The following SYNDIG1 variants were observed in gnomAD, a reference collection of about 807,000 sequenced individuals.
SYNDIG1 encodes synapse differentiation inducing 1.
In SYNDIG1, 9 loss-of-function variants were observed where a neutral mutation model predicts 19.4. That is an observed-to-expected ratio of 0.46 (90% CI 0.28 to 0.81). SYNDIG1 has a LOEUF of 0.81. SYNDIG1 is among the 30% of genes least tolerant of loss of function. The pLI is 0.12. For missense variants in SYNDIG1, 311 were observed against 343.3 expected (o/e 0.91, Z 0.74); for synonymous variants, 141 against 145.9 (o/e 0.97, Z 0.24).
chr20:24,506,332 A>G (rs1310234995), intron 1 of SYNDIG1, among the ~76,000 whole-genome samples: 1 of 152,228 alleles, frequency 6.6e-6, no homozygotes, highest in Non-Finnish European at 1.5e-5. Flanking sequence ...GCACACCCAC[A>G]TACCCAAAAA....
rs117708157 is a variant in SYNDIG1, at chr20:24,582,229, C to T, written c.481-2627C>T. ...CCTGCACTTCCTCCCCACTTTATAT[C>T]CTCCCCACTGCACATCCTTCCCCCC... On this transcript the variant is annotated intron_variant, in intron 2 of 3. Transcript: ENST00000376862. Among the ~76,000 whole-genome samples the T allele has an allele frequency of 8.1e-3, 1,049 of 129,056 alleles. 3 individuals are homozygous for T. The highest frequency in any genetic ancestry group is 9.7e-3 in the Admixed American group (121 of 12,488). The allele number at this position is 129,056 out of a possible 152,430, so 84.7% of individuals were successfully genotyped here. A position where few individuals can be genotyped will look rare whatever the true frequency, so the allele number is the denominator to read the frequency against.
chr20:24,640,465 G>A (rs2059363035), intron 3 of SYNDIG1, among the ~76,000 whole-genome samples: 1 of 128,838 alleles, frequency 7.8e-6, no homozygotes, highest in African/African-American at 3.1e-5. Context: ...AAGAAGGGAG[G>A]GAGGGAAAGA....
chr20:24,601,083 C>A (rs965377067), intron 3 of SYNDIG1, among the ~76,000 whole-genome samples: 1 of 152,110 alleles, frequency 6.6e-6, no homozygotes, highest in African/African-American at 2.4e-5. Context: ...GCTTTTTGTG[C>A]AAATGGAAAA....
At chr20:24,644,400 A>G (rs1214645332) in intron 3 of SYNDIG1, among the ~76,000 whole-genome samples, 1 of 152,196 alleles carries the variant, frequency 6.6e-6, no homozygotes, top group Admixed American at 6.5e-5. Flanking sequence ...AAGGCATATA[A>G]TTTCATTCAC....
At chr20:24,647,878 C>G (rs907521615) in intron 3 of SYNDIG1, among the ~76,000 whole-genome samples, 1 of 151,624 alleles carries the variant, frequency 6.6e-6, no homozygotes, top group African/African-American at 2.4e-5. Flanking sequence ...TAAGCAGTGG[C>G]CATCTGTTTC....
intron 1 of SYNDIG1, among the ~76,000 whole-genome samples, chr20:24,508,247 G>A (rs1238584374): frequency 3.5e-4 from 1 of 2,846 alleles, no homozygotes; most frequent in Non-Finnish European, 9.5e-4. Context: ...TTTTTTTTTT[G>A]TGACAGAGTC....
At chr20:24,591,734 A>T (rs1028815743) in intron 3 of SYNDIG1, among the ~76,000 whole-genome samples, 2 of 152,190 alleles carry the variant, frequency 1.3e-5, no homozygotes, top group African/African-American at 4.8e-5. Flanking sequence ...CAGATGAGGT[A>T]TTAGGCTGCG....
chr20:24,606,899 T>C (rs1321230084), intron 3 of SYNDIG1, among the ~76,000 whole-genome samples: 1 of 152,260 alleles, frequency 6.6e-6, no homozygotes, highest in Non-Finnish European at 1.5e-5. Flanking sequence ...GGAGGATGAT[T>C]CTGGGATCTT....
At chr20:24,550,373 T>C (rs1435186913) in intron 2 of SYNDIG1, among the ~76,000 whole-genome samples, 1 of 152,194 alleles carries the variant, frequency 6.6e-6, no homozygotes, top group Non-Finnish European at 1.5e-5. Flanking sequence ...GATTGTATGG[T>C]AGTTCTATTT....
At chr20:24,517,116 A>C (rs1042267111) in intron 1 of SYNDIG1, among the ~76,000 whole-genome samples, 2 of 152,096 alleles carry the variant, frequency 1.3e-5, no homozygotes, top group African/African-American at 4.8e-5. Flanking sequence ...ACACTTGGAC[A>C]CAGGAAGGGG....
rs541745150 is a variant in SYNDIG1, at chr20:24,557,378, G to A, written c.480+13801G>A. Among the ~76,000 whole-genome samples, 50 of 152,288 alleles carry A rather than the reference G, an allele frequency of 3.3e-4. No homozygotes were observed. In the South Asian group the frequency reaches 5.2e-3, roughly 16 times the overall value. On this transcript the variant is annotated intron_variant, in intron 2 of 3. Transcript: ENST00000376862. ...TGCGTTCCTTTGGAGGAGGAGAGGC[G>A]CTCTGCTTTTTAGAGTTTCCAGTCT...
intron 3 of SYNDIG1, among the ~76,000 whole-genome samples, chr20:24,664,772 C>G (rs2059632776): frequency 6.6e-6 from 1 of 152,130 alleles, no homozygotes; most frequent in Non-Finnish European, 1.5e-5. Flanking sequence ...GACTCATGGC[C>G]ACAGCAGGTG....
chr20:24,559,244 G>C lies in SYNDIG1; in HGVS notation c.480+15667G>C, dbSNP rs1184385881. Among the ~76,000 whole-genome samples the C allele has an allele frequency of 2.0e-5, 3 of 152,170 alleles. No individual in the cohort carries two copies. The East Asian group carries it at 5.8e-4, about 29-fold the overall frequency. On this transcript the variant is annotated intron_variant, in intron 2 of 3. Coordinates refer to ENST00000376862, the MANE Select transcript of SYNDIG1 (RefSeq NM_024893.3). Reference sequence around the variant, plus strand: ...CTTGAATGAAACAAGCCAGGCACAGGAAGACAAACATCACATGTTCACCTC... The same window carrying C: ...CTTGAATGAAACAAGCCAGGCACAGCAAGACAAACATCACATGTTCACCTC...
intron 3 of SYNDIG1, among the ~76,000 whole-genome samples, chr20:24,607,102 A>G (rs568477066): frequency 2.6e-5 from 4 of 152,242 alleles, no homozygotes; most frequent in East Asian, 3.9e-4. Context: ...GCTCATGCCT[A>G]TAATCCCAGC....
At chr20:24,520,080 A>C (rs1376368992) in intron 1 of SYNDIG1, among the ~76,000 whole-genome samples, 1 of 152,040 alleles carries the variant, frequency 6.6e-6, no homozygotes, top group Non-Finnish European at 1.5e-5. Flanking sequence ...ACAGTGATGC[A>C]CCTCGCAGTC....
At chr20:24,549,529 C>G (rs1952951456) in intron 2 of SYNDIG1, among the ~76,000 whole-genome samples, 1 of 152,148 alleles carries the variant, frequency 6.6e-6, no homozygotes, top group African/African-American at 2.4e-5. Flanking sequence ...CTGGAGCATG[C>G]AGAAGGGCAG....
chr20:24,592,697 T>C (rs141655814), intron 3 of SYNDIG1, among the ~76,000 whole-genome samples: 61 of 152,342 alleles, frequency 4.0e-4, no homozygotes, highest in African/African-American at 1.5e-3. Flanking sequence ...CACTGCATCC[T>C]CAGCCTCCTA....
intron 3 of SYNDIG1, among the ~76,000 whole-genome samples, chr20:24,625,163 G>C (rs1160341884): frequency 1.3e-5 from 2 of 151,802 alleles, no homozygotes; most frequent in African/African-American, 4.8e-5. Context: ...ACAAAAGGAA[G>C]GAAATAACTA....
At chr20:24,528,872 CT>C (rs1409384513) in intron 1 of SYNDIG1, among the ~76,000 whole-genome samples, 1 of 152,218 alleles carries the variant, frequency 6.6e-6, no homozygotes, top group Non-Finnish European at 1.5e-5. Context: ...GCATTTGCTT[CT>C]GCCAAGAATC....
Sources: allele counts gnomAD v4.1 joint callset (sites outside exome capture counted in the v4.1 genomes callset), GRCh38; gene constraint gnomAD v4.1.1; transcripts MANE v1.5; gene names NCBI Gene and HGNC (gene_info 2026-07-23, HGNC 2026-07-21).